ANKS1A: variants seen among roughly 807,000 people sequenced by gnomAD.
ANKS1A encodes ankyrin repeat and SAM domain-containing protein 1A.
A neutral mutation model predicts 120.3 loss-of-function variants in ANKS1A; 55 were observed. The observed-to-expected ratio is 0.46, with a 90% CI of 0.37 to 0.57. The LOEUF (loss-of-function observed/expected upper bound fraction) is 0.57, where lower values mean the gene tolerates loss of function less well. Among genes scored for constraint, ANKS1A ranks in the 20% least tolerant of loss-of-function variants. The pLI, the probability that ANKS1A is intolerant of heterozygous loss-of-function variation, is 0.00. For missense variants in ANKS1A, 1,123 were observed against 1,480.3 expected (o/e 0.76, Z 3.96); for synonymous variants, 590 against 604.7 (o/e 0.98, Z 0.36).
chr6:34,994,430 C>T lies in ANKS1A; in HGVS notation c.1423+8C>T. On this transcript the variant is annotated splice_region_variant and intron_variant, in intron 10 of 23. Transcript: ENST00000360359. ...TGGATGGAAAAACAAAAGGTACGTT[C>T]CCCACAACTCCTGGCAGAACCAACT... 1.2e-6 allele frequency: 2 copies of T among 1,609,840 alleles called. No homozygotes were observed. The highest frequency in any genetic ancestry group is 8.5e-7 in the Non-Finnish European group (1 of 1,177,234).
intron 1 of ANKS1A, among the ~76,000 whole-genome samples, chr6:34,961,404 C>T (rs187498526): frequency 1.2e-3 from 178 of 152,204 alleles, no homozygotes; most frequent in African/African-American, 4.1e-3. Context: ...TTAATGTGTT[C>T]CCCAGTCCCC....
At chr6:34,978,555 C>T (rs1267870228) in intron 3 of ANKS1A, among the ~76,000 whole-genome samples, 2 of 152,062 alleles carry the variant, frequency 1.3e-5, no homozygotes, top group Non-Finnish European at 2.9e-5. Flanking sequence ...CCTGTAATCC[C>T]GGCACTTTGG....
intron 11 of ANKS1A, among the ~76,000 whole-genome samples, chr6:35,040,014 T>A (rs527696758): frequency 6.6e-6 from 1 of 152,078 alleles, no homozygotes; most frequent in African/African-American, 2.4e-5. Flanking sequence ...AACCCTACCC[T>A]CATGAATTCC....
In ANKS1A at chr6:34,989,118, T is replaced by G. The variant is rs1247528630; in HGVS notation, c.1210-106T>G. The G allele has an allele frequency of 4.2e-6, 4 of 950,460 alleles. No individual in the cohort carries two copies. The South Asian group carries it at 6.4e-5, about 15-fold the overall frequency. The allele number at this position is 950,460 out of a possible 1,614,324, so 58.9% of individuals were successfully genotyped here. On this transcript the variant is annotated intron_variant, in intron 8 of 23. Transcript: ENST00000360359. ...CTTGACTTTAGTCTCTCAGGGGAGTTCCATACATTATTTTTTTCATTTCTA... is the reference window on the plus strand; with the variant it reads ...CTTGACTTTAGTCTCTCAGGGGAGTGCCATACATTATTTTTTTCATTTCTA...
At chr6:34,992,373 G>A (rs1772620339) in intron 9 of ANKS1A, among the ~76,000 whole-genome samples, 1 of 152,194 alleles carries the variant, frequency 6.6e-6, no homozygotes, top group South Asian at 2.1e-4. Flanking sequence ...GGTCCAGTGG[G>A]CCTGATTTTC....
Position 35,084,330 on chromosome 6 carries a change from G to T in ANKS1A, c.3132+72G>T. ...CTGAGGCGTCCAGCCCCATTGCAGG[G>T]CACAGATGCGGCGCTGTCCTGGCCC... On this transcript the variant is annotated intron_variant, in intron 21 of 23. Coordinates refer to ENST00000360359, the MANE Select transcript of ANKS1A (RefSeq NM_015245.3). The surrounding 1 kb of genome is among the most constrained non-coding windows in gnomAD (Gnocchi z 4.8). 6.4e-7 allele frequency: 1 copy of T among 1,574,694 alleles called. No individual in the cohort carries two copies. Among genetic ancestry groups the T allele is most frequent in the Non-Finnish European group, 8.6e-7 (1 of 1,161,988 alleles).
At position 35,060,274 on chromosome 6, in the gene ANKS1A, T is replaced by A; in HGVS notation, c.2184+21T>A. The A allele has an allele frequency of 6.3e-7, 1 of 1,595,784 alleles. No individual in the cohort carries two copies. Among genetic ancestry groups the A allele is most frequent in the Non-Finnish European group, 8.5e-7 (1 of 1,170,348 alleles). On this transcript the variant is annotated intron_variant, in intron 13 of 23. Coordinates refer to ENST00000360359, the MANE Select transcript of ANKS1A (RefSeq NM_015245.3). This position sits in a 1 kb window ranked among gnomAD's most constrained non-coding sequence, Gnocchi z 4.5. ...TCCTGGTAAGTGGCTGCAGGCCTCCTCAATGGCAGGGTGCTGCTCAGTGGA... is the reference window on the plus strand; with the variant it reads ...TCCTGGTAAGTGGCTGCAGGCCTCCACAATGGCAGGGTGCTGCTCAGTGGA...
At chr6:35,071,682 A>G (rs1310317366) in intron 13 of ANKS1A, among the ~76,000 whole-genome samples, 4 of 152,342 alleles carry the variant, frequency 2.6e-5, no homozygotes, top group African/African-American at 9.6e-5. Context: ...TGGCAGAGCC[A>G]CACCCCCTGA....
intron 1 of ANKS1A, among the ~76,000 whole-genome samples, chr6:34,953,762 AGGG>A (rs993385456): frequency 6.6e-6 from 1 of 152,082 alleles, no homozygotes; most frequent in East Asian, 1.9e-4. Context: ...CTACTTGGGA[AGGG>A]GGCACAAGAC....
downstream of ANKS1A, among the ~76,000 whole-genome samples, chr6:35,095,141 C>CAA (rs34813964): frequency 4.0e-3 from 328 of 81,076 alleles, 7 homozygotes; most frequent in Middle Eastern, 9.4e-3. Context: ...ACCCCCATCT[C>CAA]AAAAAAAAAA....
At chr6:34,990,293 A>G (rs756945111) in intron 9 of ANKS1A, among the ~76,000 whole-genome samples, 8 of 152,288 alleles carry the variant, frequency 5.3e-5, no homozygotes, top group East Asian at 1.9e-4. Context: ...GAAGATTTCT[A>G]TGCTAGGTAC....
At chr6:35,083,277 G>T in intron 19 of ANKS1A, 51 bp downstream of exon 19, 1 of 1,609,432 alleles carries the variant, frequency 6.2e-7, no homozygotes, top group Non-Finnish European at 8.5e-7. Context: ...CCAGCAGAAG[G>T]CAGCAATGGG....
At chr6:35,006,254 G>GGAGGCT (rs1042826725) in intron 10 of ANKS1A, among the ~76,000 whole-genome samples, 8 of 151,138 alleles carry the variant, frequency 5.3e-5, no homozygotes, top group Non-Finnish European at 1.2e-4. Flanking sequence ...CAGCTACTCA[G>GGAGGCT]GAGGCTGAGG....
At chr6:35,080,830 G>A (rs575099175) in intron 16 of ANKS1A, among the ~76,000 whole-genome samples, 164 bp from the exon 17 acceptor site, 31 of 152,298 alleles carry the variant, frequency 2.0e-4, no homozygotes, top group Middle Eastern at 3.4e-3. Flanking sequence ...CGGTGGCTGC[G>A]TGGTGCCACC....
chr6:34,981,570 C>A, intron 3 of ANKS1A, 120 bp from the exon 4 acceptor site: 1 of 1,089,148 alleles, frequency 9.2e-7, no homozygotes, highest in Non-Finnish European at 1.3e-6. Context: ...CTTTTATTAG[C>A]CCCCAAGTGT....
rs1778255799 is a variant in ANKS1A at position 35,090,748 on chromosome 6, G to A, written c.*2139G>A. On this transcript the variant is annotated 3_prime_UTR_variant, in exon 24 of 24. Transcript: ENST00000360359. ...TACTTTTGCACTTCTCCAAGTGCAG[G>A]TCACACCAGGGGCAGACCCTGTCGC... 2 of 987,398 alleles carry A rather than the reference G, an allele frequency of 2.0e-6. No homozygotes were observed. The highest frequency in any genetic ancestry group is 2.4e-6 in the Non-Finnish European group (2 of 831,416). The allele number at this position is 987,398 out of a possible 1,614,324, so 61.2% of individuals were successfully genotyped here.
intron 11 of ANKS1A, among the ~76,000 whole-genome samples, chr6:35,043,056 G>A (rs1325304813): frequency 2.7e-5 from 4 of 149,412 alleles, no homozygotes; most frequent in East Asian, 1.9e-4. Context: ...TTTTGCCTTC[G>A]TGCCTTACAG....
intron 10 of ANKS1A, chr6:35,005,774 C>T (rs896556279): frequency 3.3e-5 from 15 of 448,572 alleles, no homozygotes; most frequent in Middle Eastern, 6.7e-4. Flanking sequence ...TATTGTTGGC[C>T]GGGCATGGTG....
At chr6:35,027,337 A>G (rs1250703666) in intron 11 of ANKS1A, among the ~76,000 whole-genome samples, 1 of 152,186 alleles carries the variant, frequency 6.6e-6, no homozygotes, top group Non-Finnish European at 1.5e-5. Context: ...CTCAGGAGCC[A>G]GGCCCATAGG....
Sources: gnomAD v4.1 joint callset for allele counts (sites outside exome capture counted in the v4.1 genomes callset) on GRCh38, gnomAD v4.1.1 for gene constraint, Gnocchi (gnomAD v3.1) non-coding constraint, MANE v1.5 for transcripts, NCBI Gene and HGNC (gene_info 2026-07-23, HGNC 2026-07-21) for gene names.